BPHL: variants seen among roughly 807,000 people sequenced by gnomAD.
BPHL encodes serine hydrolase BPHL.
Under a neutral mutation model 31.2 loss-of-function variants are expected in BPHL, and 27 were observed. That is an observed-to-expected ratio of 0.87 (90% CI 0.64 to 1.19). BPHL has a LOEUF of 1.19. Among genes scored for constraint, BPHL ranks in the 50% most tolerant of loss-of-function variants. The pLI, the probability that BPHL is intolerant of heterozygous loss-of-function variation, is 0.00. For missense variants in BPHL, 356 were observed against 375.7 expected, an observed-to-expected ratio of 0.95 and a Z score of 0.43; for synonymous variants, 150 against 146.8, an observed-to-expected ratio of 1.02 and a Z score of -0.16.
chr6:3,145,324 C>T (rs778436836), intron 6 of BPHL, among the ~76,000 whole-genome samples: 1,185 of 14,772 alleles, frequency 0.08, 4 homozygotes, highest in African/African-American at 0.17. Context: ...AGTGCTGGTT[C>T]GGGGTGGAGT....
intron 4 of BPHL, among the ~76,000 whole-genome samples, chr6:3,129,812 T>G (rs77688157): frequency 0.02 from 2,963 of 151,886 alleles, 84 homozygotes; most frequent in African/African-American, 0.068. Flanking sequence ...GAGGTTTTTT[T>G]TTTTTTTTTT....
At chr6:3,118,623 A>G (rs1581454208), upstream of BPHL, 1 of 683,414 alleles carries the variant, frequency 1.5e-6, no homozygotes, top group African/African-American at 1.9e-5. Flanking sequence ...CAGAGGGCGG[A>G]GCAGGATGGA....
intron 4 of BPHL, among the ~76,000 whole-genome samples, chr6:3,136,915 A>G (rs773532535): frequency 2.4e-4 from 36 of 152,262 alleles, no homozygotes; most frequent in Non-Finnish European, 4.1e-4. Flanking sequence ...TTCAATGTCC[A>G]TACAAATGCA....
chr6:3,132,990 T>C (rs555443857), intron 4 of BPHL, among the ~76,000 whole-genome samples: 101 of 152,316 alleles, frequency 6.6e-4, no homozygotes, highest in Admixed American at 6.5e-3. Context: ...TTCATGATCT[T>C]CTCTCTAGGC....
intron 6 of BPHL, among the ~76,000 whole-genome samples, chr6:3,145,449 CG>C (rs1464694132): frequency 2.0e-5 from 1 of 49,550 alleles, no homozygotes; most frequent in African/African-American, 7.3e-5. Flanking sequence ...AGCGCTGGTT[CG>C]GGGTGGAGTG....
chr6:3,144,600 C>T (rs946447292), intron 6 of BPHL, among the ~76,000 whole-genome samples: 19 of 151,828 alleles, frequency 1.3e-4, no homozygotes, highest in African/African-American at 4.6e-4. Context: ...CCGTGTTGTC[C>T]AGGCTGGTCT....
At chr6:3,131,339 G>T (rs974411290) in intron 4 of BPHL, among the ~76,000 whole-genome samples, 3 of 152,092 alleles carry the variant, frequency 2.0e-5, no homozygotes, top group African/African-American at 7.2e-5. Context: ...ATGGCCTGCA[G>T]ATGACCCGGC....
chr6:3,152,588 C>A lies in BPHL; in HGVS notation c.*13C>A. 1 of 1,608,744 alleles carries A rather than the reference C, an allele frequency of 6.2e-7. No individual in the cohort carries two copies. Among genetic ancestry groups the A allele is most frequent in the Non-Finnish European group, 8.5e-7 (1 of 1,176,848 alleles). The stretch of plus-strand genomic sequence containing the variant: ...CTTCCTACAATGAGAATGCACACTC[C>A]AGTCTTGGTGGTTCCTTCGTGTGGG... On this transcript the variant is annotated 3_prime_UTR_variant, in exon 7 of 7. Transcript: ENST00000380379.
intron 6 of BPHL, among the ~76,000 whole-genome samples, chr6:3,145,327 G>GT (rs1762305522): frequency 1.4e-5 from 1 of 69,516 alleles, no homozygotes; most frequent in Non-Finnish European, 3.4e-5. Flanking sequence ...GCTGGTTCGG[G>GT]GTGGAGTGCT....
At chr6:3,147,289 C>G (rs1409614071) in intron 6 of BPHL, among the ~76,000 whole-genome samples, 1 of 152,018 alleles carries the variant, frequency 6.6e-6, no homozygotes, top group Non-Finnish European at 1.5e-5. Context: ...AAAAAATACT[C>G]AACAGACAGT....
intron 6 of BPHL, among the ~76,000 whole-genome samples, chr6:3,150,383 A>G (rs1762488669): frequency 6.6e-6 from 1 of 152,194 alleles, no homozygotes; most frequent in Non-Finnish European, 1.5e-5. Flanking sequence ...ATTTTGACCT[A>G]AAAGAGCTGT....
chr6:3,146,556 T>TTTGAATGCTGGTA (rs1561801375), intron 6 of BPHL, among the ~76,000 whole-genome samples: 4 of 934 alleles, frequency 4.3e-3, no homozygotes, highest in African/African-American at 6.9e-3. Flanking sequence ...CTGGTTTGGG[T>TTTGAATGCTGGTA]CGGGAGTGCT....
Position 3,127,280 on chromosome 6 carries a change from C to T in BPHL, c.250C>T (p.Leu84Phe). Residue 84 changes from leucine to phenylalanine, a missense_variant, in exon 3 of 7, where the codon CTC (leucine) becomes TTC (phenylalanine). Leu to Phe is a conservative substitution (Grantham distance 22, BLOSUM62 0). Coordinates refer to ENST00000380379, the MANE Select transcript of BPHL (RefSeq NM_004332.4). ...TGATTTTGGACCTCAGCTCAAGAAC[C>T]TCAATAAGAAGCTCTTCACGGTGGT... ...ETDFGPQLKN[L>F]NKKLFTVVAW... is the part of the protein sequence containing the mutation. The T allele has an allele frequency of 6.3e-7, 1 of 1,591,150 alleles. No individual in the cohort carries two copies. Among genetic ancestry groups the T allele is most frequent in the Non-Finnish European group, 8.6e-7 (1 of 1,166,150 alleles).
intron 4 of BPHL, among the ~76,000 whole-genome samples, chr6:3,136,813 C>CT: frequency 6.6e-6 from 1 of 152,210 alleles, no homozygotes; most frequent in African/African-American, 2.4e-5. Flanking sequence ...ACTAGTGAAT[C>CT]ATCTATAATA....
intron 5 of BPHL, 44 bp downstream of exon 5, chr6:3,137,537 T>C (rs1415368517): frequency 1.2e-6 from 2 of 1,609,982 alleles, no homozygotes; most frequent in Non-Finnish European, 1.7e-6. Context: ...TTATAGAGGG[T>C]GCTCGAGTTC....
At chr6:3,139,125 G>A (rs1186334702) in intron 5 of BPHL, 2 of 152,124 alleles carry the variant, frequency 1.3e-5, no homozygotes, top group Admixed American at 1.3e-4. Context: ...GCTTCTTGAA[G>A]CTTCGGTTTC....
rs763887560 is a variant in BPHL at position 3,127,305 on chromosome 6, T to C, written c.275T>C (p.Val92Ala). The change falls in exon 3 of 7, where the codon GTC becomes GCC. Residue 92 changes from valine to alanine, a missense_variant. Coordinates refer to ENST00000380379, the MANE Select transcript of BPHL (RefSeq NM_004332.4). ...KNLNKKLFTV[V>A]AWDPRGYGHS... ...CTCAATAAGAAGCTCTTCACGGTGG[T>C]CGCCTGGGATCCTCGAGGCTATGGA... The C allele has an allele frequency of 5.7e-5, 91 of 1,607,390 alleles. 1 individual carries two copies. Among genetic ancestry groups the C allele is most frequent in the Middle Eastern group, 1.7e-4 (1 of 5,718 alleles).
chr6:3,150,942 A>C (rs1177897245), intron 6 of BPHL, among the ~76,000 whole-genome samples: 2 of 152,240 alleles, frequency 1.3e-5, no homozygotes, highest in African/African-American at 2.4e-5. Flanking sequence ...ATTTTAATGA[A>C]GGGAACCTCA....
At chr6:3,124,858 G>A (rs1368635237) in intron 2 of BPHL, among the ~76,000 whole-genome samples, 6 of 152,132 alleles carry the variant, frequency 3.9e-5, no homozygotes, top group Admixed American at 6.6e-5. Context: ...GAGCCTCAGC[G>A]GATCGTGGCA....
Sources: allele counts gnomAD v4.1 joint callset (sites outside exome capture counted in the v4.1 genomes callset), GRCh38; gene constraint gnomAD v4.1.1; transcripts MANE v1.5; gene names NCBI Gene and HGNC (gene_info 2026-07-23, HGNC 2026-07-21).